Variants in COLGALT2 observed in about 807,000 individuals in gnomAD.
COLGALT2 encodes the protein collagen beta(1-O)galactosyltransferase 2.
COLGALT2 carries 49 observed loss-of-function variants against 73.4 expected under a neutral mutation model. That is an observed-to-expected ratio of 0.67 (90% CI 0.53 to 0.85). The LOEUF (loss-of-function observed/expected upper bound fraction) is 0.85. Ranked by LOEUF, COLGALT2 falls within the 40% of genes least tolerant of loss-of-function variation. COLGALT2 has a pLI of 0.00. For missense variants in COLGALT2, 722 were observed against 790.2 expected (o/e 0.91, Z 1.03); for synonymous variants, 295 against 307.6 (o/e 0.96, Z 0.43).
At chr1:184,004,222 A>G (rs1380640428) in intron 1 of COLGALT2, among the ~76,000 whole-genome samples, 3 of 152,306 alleles carry the variant, frequency 2.0e-5, no homozygotes, top group Admixed American at 2.0e-4. Context: ...TAAGATGTAA[A>G]AGGTTGTCAC....
chr1:183,954,715 G>T, intron 7 of COLGALT2, 47 bp downstream of exon 7: 1 of 1,426,582 alleles, frequency 7.0e-7, no homozygotes, highest in Non-Finnish European at 9.9e-7. Flanking sequence ...GAACACACAA[G>T]CCTGCACACG....
chr1:183,930,569 CT>C (rs397861890), intron 11 of COLGALT2, among the ~76,000 whole-genome samples: 30,809 of 114,216 alleles, frequency 0.27, 2,384 homozygotes, highest in Admixed American at 0.31. Context: ...TTTTCTTTTT[CT>C]TTTTTTTTTT....
chr1:183,965,189 T>C (rs1299043728), intron 5 of COLGALT2, among the ~76,000 whole-genome samples: 1 of 152,234 alleles, frequency 6.6e-6, no homozygotes, highest in Non-Finnish European at 1.5e-5. Flanking sequence ...CCCATATGAA[T>C]GCTTCTGGGG....
At chr1:183,993,734 T>C (rs1419249968) in intron 1 of COLGALT2, among the ~76,000 whole-genome samples, 1 of 152,206 alleles carries the variant, frequency 6.6e-6, no homozygotes, top group African/African-American at 2.4e-5. Flanking sequence ...AAAGTTCATG[T>C]CCCCAGAATT....
At chr1:183,930,712 G>A (rs1572620314) in intron 11 of COLGALT2, among the ~76,000 whole-genome samples, 1 of 151,386 alleles carries the variant, frequency 6.6e-6, no homozygotes, top group African/African-American at 2.4e-5. Context: ...GAGCCACCAC[G>A]CCCAGCCAAT....
chr1:184,008,797 AAT>A (rs1672159407), intron 1 of COLGALT2, among the ~76,000 whole-genome samples: 1 of 152,202 alleles, frequency 6.6e-6, no homozygotes, highest in African/African-American at 2.4e-5. Flanking sequence ...TGTAAAAGAA[AAT>A]ATTCTTATAC....
chr1:183,999,656 T>G (rs999175834), intron 1 of COLGALT2, among the ~76,000 whole-genome samples: 7 of 152,108 alleles, frequency 4.6e-5, no homozygotes, highest in Non-Finnish European at 1.5e-5. Context: ...CGTGCAGGAT[T>G]TCTTTCTTCA....
chr1:184,034,746 CTTA>C (rs1400401530), intron 1 of COLGALT2, among the ~76,000 whole-genome samples: 2 of 152,100 alleles, frequency 1.3e-5, no homozygotes, highest in Non-Finnish European at 2.9e-5. Context: ...ACCACGAGCT[CTTA>C]TTATTATGTG....
intron 1 of COLGALT2, among the ~76,000 whole-genome samples, chr1:184,000,018 T>C (rs1671873309): frequency 6.6e-6 from 1 of 151,722 alleles, no homozygotes; most frequent in African/African-American, 2.4e-5. Context: ...TTAGCTTATT[T>C]AGTAAAATAA....
At chr1:183,955,468 C>G (rs1185867051) in intron 6 of COLGALT2, among the ~76,000 whole-genome samples, 3 of 152,118 alleles carry the variant, frequency 2.0e-5, no homozygotes, top group African/African-American at 7.2e-5. Flanking sequence ...CGCAAAAGGT[C>G]CATTGCTTTA....
chr1:184,025,000 A>G (rs1015712500), intron 1 of COLGALT2, among the ~76,000 whole-genome samples: 2 of 152,188 alleles, frequency 1.3e-5, no homozygotes, highest in African/African-American at 4.8e-5. Context: ...GGGCAAGGAG[A>G]GTTCAGCAAA....
chr1:183,977,841 G>GAGAGAGAGAGAGAGAGAGAGAGAGAGAA (rs1558322952), intron 2 of COLGALT2, among the ~76,000 whole-genome samples: 2 of 134,172 alleles, frequency 1.5e-5, no homozygotes, highest in African/African-American at 6.0e-5. Context: ...AGAGAAAGAA[G>GAGAGAGAGAGAGAGAGAGAGAGAGAGAA]AGAAGAGAAG....
chr1:183,981,549 T>C (rs2986567), intron 1 of COLGALT2, among the ~76,000 whole-genome samples: 95,550 of 151,498 alleles, frequency 0.63, 32,105 homozygotes, highest in Non-Finnish European at 0.77. Flanking sequence ...CCCAGCTACT[T>C]GGGAGGCTGA....
chr1:184,006,410 C>A (rs1672082626), intron 1 of COLGALT2, among the ~76,000 whole-genome samples: 1 of 151,946 alleles, frequency 6.6e-6, no homozygotes, highest in African/African-American at 2.4e-5. Context: ...CACGGAGAAG[C>A]CTCGTCTCTA....
At chr1:183,980,876 T>G (rs2986563) in intron 1 of COLGALT2, among the ~76,000 whole-genome samples, 95,444 of 151,686 alleles carry the variant, frequency 0.63, 31,991 homozygotes, top group Non-Finnish European at 0.76. Context: ...GTCTAAGAAT[T>G]TTCAATATGA....
intron 1 of COLGALT2, among the ~76,000 whole-genome samples, chr1:184,000,300 A>G (rs1320615857): frequency 1.3e-5 from 2 of 151,508 alleles, no homozygotes; most frequent in Admixed American, 1.3e-4. Context: ...CTTTTTTTCA[A>G]TTTTTCTTTT....
At chr1:183,994,936 T>C (rs1671731986) in intron 1 of COLGALT2, among the ~76,000 whole-genome samples, 1 of 152,168 alleles carries the variant, frequency 6.6e-6, no homozygotes, top group African/African-American at 2.4e-5. Flanking sequence ...TATAGATAAA[T>C]TAGATTTTAT....
At chr1:183,975,321 G>T in intron 2 of COLGALT2, 107 bp from the exon 3 acceptor site, 1 of 632,242 alleles carries the variant, frequency 1.6e-6, no homozygotes, top group South Asian at 2.3e-5. Flanking sequence ...CCAGGAAGTA[G>T]ATACTATTAT....
intron 1 of COLGALT2, among the ~76,000 whole-genome samples, chr1:184,022,840 G>A (rs1258525278): frequency 4.6e-5 from 7 of 152,182 alleles, no homozygotes; most frequent in Non-Finnish European, 1.0e-4. Context: ...GGCATTTTAT[G>A]CTTTCATGCT....
Sources: allele counts gnomAD v4.1 joint callset (sites outside exome capture counted in the v4.1 genomes callset), GRCh38; gene constraint gnomAD v4.1.1; transcripts MANE v1.5; gene names NCBI Gene and HGNC (gene_info 2026-07-23, HGNC 2026-07-21).